Variants in ETV1 observed in about 807,000 individuals in gnomAD.
The protein encoded by ETV1 is ETS translocation variant 1.
In ETV1, 27 loss-of-function variants were observed where a neutral mutation model predicts 62.3. That is an observed-to-expected ratio of 0.43 (90% CI 0.32 to 0.60). The LOEUF (loss-of-function observed/expected upper bound fraction) is 0.60. ETV1 is among the 20% of genes least tolerant of loss of function. ETV1 has a pLI of 0.06. For missense variants in ETV1, 605 were observed against 605.8 expected (o/e 1.00, Z 0.01); for synonymous variants, 222 against 199.6 (o/e 1.11, Z -0.94).
Position 13,896,228 on chromosome 7 carries a change from G to C in ETV1, c.1213-141C>G, listed in dbSNP as rs912747053. 2.0e-4 allele frequency: 106 copies of C among 540,596 alleles called. No homozygotes were observed. In the African/African-American group the frequency reaches 2.0e-3, roughly 10 times the overall value. 33.5% of individuals were successfully genotyped at this position (540,596 alleles called of 1,614,324 possible). ...CCAAAAAAGCAAACAACTAATAGCAGATACACATAAAAAAAAAAAAGTCTT... is the reference window on the plus strand; with the variant it reads ...CCAAAAAAGCAAACAACTAATAGCACATACACATAAAAAAAAAAAAGTCTT... On this transcript the variant is annotated intron_variant, in intron 13 of 13. Coordinates refer to ENST00000430479, the MANE Select transcript of ETV1 (RefSeq NM_004956.5).
At chr7:13,987,632 G>A (rs960491882) in intron 4 of ETV1, among the ~76,000 whole-genome samples, 1 of 152,074 alleles carries the variant, frequency 6.6e-6, no homozygotes, top group African/African-American at 2.4e-5. Flanking sequence ...TGAAAATTCT[G>A]TTAATAGTAG....
At chr7:13,900,549 C>T (rs1782305943) in intron 13 of ETV1, 189 bp downstream of exon 13, 1 of 529,380 alleles carries the variant, frequency 1.9e-6, no homozygotes, top group South Asian at 3.0e-5. Context: ...AATATCACTA[C>T]ACATTTGTCT....
rs1295504541 is a variant in ETV1, at chr7:13,891,443, A to G, written c.*4423T>C. The G allele has an allele frequency of 4.3e-6, 1 of 231,748 alleles. No individual in the cohort carries two copies. 14.4% of individuals were successfully genotyped at this position (231,748 alleles called of 1,614,324 possible). A position where few individuals can be genotyped will look rare whatever the true frequency, so the allele number is the denominator to read the frequency against. On this transcript the variant is annotated 3_prime_UTR_variant, in exon 14 of 14. Transcript: ENST00000430479. ...ATATGCAAAAAAGACCCTACCTTACATATGAATCCATAAACAATAGCCACG... is the reference window on the plus strand; with the variant it reads ...ATATGCAAAAAAGACCCTACCTTACGTATGAATCCATAAACAATAGCCACG...
At chr7:13,982,159 T>C (rs1350765997) in intron 5 of ETV1, among the ~76,000 whole-genome samples, 1 of 152,068 alleles carries the variant, frequency 6.6e-6, no homozygotes, top group Non-Finnish European at 1.5e-5. Context: ...AATTCCTAAC[T>C]AAAACTGACC....
chr7:13,942,613 C>T (rs1787684190), intron 6 of ETV1, among the ~76,000 whole-genome samples: 2 of 152,086 alleles, frequency 1.3e-5, no homozygotes, highest in Admixed American at 6.5e-5. Context: ...TCCATGTGTT[C>T]TCATCATCTA....
intron 11 of ETV1, among the ~76,000 whole-genome samples, chr7:13,909,136 TAAAAA>T (rs34046311): frequency 5.0e-5 from 7 of 138,944 alleles, no homozygotes; most frequent in Non-Finnish European, 4.7e-5. Flanking sequence ...CTTCCCCAGT[TAAAAA>T]AAAAAAAAAA....
rs531684970 is a variant in ETV1, at chr7:13,921,092, T to A, written c.803-9785A>T. Among the ~76,000 whole-genome samples, 6 of 152,324 alleles carry A rather than the reference T, an allele frequency of 3.9e-5. No homozygotes were observed. The East Asian group carries it at 1.2e-3, about 29-fold the overall frequency. On this transcript the variant is annotated intron_variant, in intron 9 of 13. Transcript: ENST00000430479. ...TCTGAAAGTTCAATAGCTCATTCTT[T>A]AAAGTTCCCAAGTGATCCTACACTT...
intron 6 of ETV1, among the ~76,000 whole-genome samples, chr7:13,948,428 C>G (rs1788417975): frequency 6.6e-6 from 1 of 152,134 alleles, no homozygotes; most frequent in Non-Finnish European, 1.5e-5. Flanking sequence ...GGAGGAAGAG[C>G]CTTGAAGACA....
intron 9 of ETV1, among the ~76,000 whole-genome samples, chr7:13,920,441 A>T (rs913762882): frequency 1.8e-4 from 26 of 148,534 alleles, no homozygotes; most frequent in African/African-American, 3.5e-4. Context: ...AGAGTGAGTG[A>T]GTGTGTGTGT....
In ETV1 at chr7:13,935,850, G is replaced by C; in HGVS notation, c.412C>G (p.Pro138Ala). Residue 138 changes from proline to alanine, a missense_variant, in exon 8 of 14, where the codon CCC (proline) becomes GCC (alanine). Physicochemically the swap from Pro to Ala is conservative, Grantham distance 27. Around this residue, in one of 3 missense-constraint regions of ETV1, gnomAD observed 426 missense variants for 377.8 expected, o/e 1.13. Coordinates refer to ENST00000430479, the MANE Select transcript of ETV1 (RefSeq NM_004956.5). ...GACACTGGCGTGCTGGATGGTGTGG[G>C]GGGGTTGGAGGGCCTCATTCCCACT... Reference protein sequence around the residue: ...PQVGMRPSNPPTPSSTPVSPL... With the variant: ...PQVGMRPSNPATPSSTPVSPL... 6.2e-7 allele frequency: 1 copy of C among 1,613,914 alleles called. No homozygotes were observed. Among genetic ancestry groups the C allele is most frequent in the Non-Finnish European group, 8.5e-7 (1 of 1,179,862 alleles).
intron 8 of ETV1, among the ~76,000 whole-genome samples, chr7:13,932,368 G>T (rs879602393): frequency 6.6e-6 from 1 of 152,244 alleles, no homozygotes; most frequent in South Asian, 2.1e-4. Context: ...AACCCAAGCC[G>T]GTTGTAAAAA....
chr7:13,925,757 A>G (rs1785349180), intron 9 of ETV1, among the ~76,000 whole-genome samples: 1 of 151,338 alleles, frequency 6.6e-6, no homozygotes, highest in African/African-American at 2.4e-5. Context: ...TTTAGTAGAG[A>G]CGGGGTTTCA....
chr7:13,945,384 C>A (rs983833024), intron 6 of ETV1, among the ~76,000 whole-genome samples: 44 of 152,084 alleles, frequency 2.9e-4, no homozygotes, highest in Non-Finnish European at 2.9e-5. Context: ...AGATCCCCAA[C>A]TCTCTCCATA....
At chr7:13,959,668 G>A (rs1384168825) in intron 6 of ETV1, among the ~76,000 whole-genome samples, 1 of 151,946 alleles carries the variant, frequency 6.6e-6, no homozygotes, top group East Asian at 1.9e-4. Context: ...TGGATCATTT[G>A]AGGTCAGGAG....
At chr7:13,972,246 C>A (rs1245822856) in intron 6 of ETV1, among the ~76,000 whole-genome samples, 1 of 152,118 alleles carries the variant, frequency 6.6e-6, no homozygotes, top group Non-Finnish European at 1.5e-5. Flanking sequence ...TCAAGACCAG[C>A]CTGGGCAAAA....
intron 5 of ETV1, among the ~76,000 whole-genome samples, chr7:13,983,075 T>TTTACATC (rs1782162143): frequency 6.6e-6 from 1 of 151,746 alleles, no homozygotes; most frequent in Admixed American, 6.6e-5. Context: ...AGCTTTGCTG[T>TTTACATC]AGAAAGGTTG....
intron 6 of ETV1, among the ~76,000 whole-genome samples, chr7:13,966,355 G>C (rs186298387): frequency 1.3e-5 from 2 of 152,104 alleles, no homozygotes; most frequent in Non-Finnish European, 2.9e-5. Context: ...AATTAAGTCC[G>C]GGTGTGGTGG....
At chr7:13,948,325 A>C (rs1023639176) in intron 6 of ETV1, among the ~76,000 whole-genome samples, 1 of 152,230 alleles carries the variant, frequency 6.6e-6, no homozygotes, top group Non-Finnish European at 1.5e-5. Context: ...AAATAGGGTT[A>C]TCAGTTTCTG....
chr7:13,918,261 C>G (rs1315595717), intron 9 of ETV1, among the ~76,000 whole-genome samples: 1 of 152,104 alleles, frequency 6.6e-6, no homozygotes, highest in Non-Finnish European at 1.5e-5. Flanking sequence ...ATGGCTGGGT[C>G]AAATGGTATT....
Sources: allele counts gnomAD v4.1 joint callset (sites outside exome capture counted in the v4.1 genomes callset), GRCh38; gene constraint gnomAD v4.1.1; regional missense constraint gnomAD v4.1.1; transcripts MANE v1.5; gene names NCBI Gene and HGNC (gene_info 2026-07-23, HGNC 2026-07-21).